IPO11: variants seen among roughly 807,000 people sequenced by gnomAD.
IPO11 encodes the protein importin 11.
A neutral mutation model predicts 143.2 loss-of-function variants in IPO11; 66 were observed. The observed-to-expected ratio is 0.46, with a 90% CI of 0.38 to 0.57. IPO11 has a LOEUF of 0.57. Ranked by LOEUF, IPO11 falls within the 20% of genes least tolerant of loss-of-function variation. IPO11 has a pLI of 0.00. For synonymous variants in IPO11, 385 were observed against 377.8 expected (o/e 1.02, Z -0.22); for missense variants, 1,026 against 1,141.0 (o/e 0.90, Z 1.45).
intron 28 of IPO11, 120 bp from the exon 29 acceptor site, chr5:62,601,644 T>G: frequency 8.9e-6 from 4 of 447,846 alleles, no homozygotes; most frequent in Non-Finnish European, 1.5e-5. Context: ...TTTTCTCACA[T>G]TTTGGTGTGA....
At chr5:62,608,066 G>A (rs1394797364) in intron 29 of IPO11, among the ~76,000 whole-genome samples, 1 of 152,018 alleles carries the variant, frequency 6.6e-6, no homozygotes, top group Admixed American at 6.6e-5. Flanking sequence ...TGATCCACCC[G>A]CCTTGGCCTC....
At chr5:62,480,956 C>T (rs373163840) in intron 9 of IPO11, among the ~76,000 whole-genome samples, 2 of 138,906 alleles carry the variant, frequency 1.4e-5, no homozygotes, top group Non-Finnish European at 3.0e-5. Flanking sequence ...TGCTCTGTCG[C>T]CCAGGTTGGA....
intron 9 of IPO11, 39 bp from the exon 10 acceptor site, chr5:62,483,061 GA>G (rs1204728304): frequency 3.6e-5 from 46 of 1,264,574 alleles, no homozygotes; most frequent in Non-Finnish European, 5.1e-5. Flanking sequence ...TGAATTTGGG[GA>G]AAATACATTT....
chr5:62,470,255 C>T lies in IPO11; in HGVS notation c.655C>T (p.Arg219Cys), dbSNP rs868705380. 28 of 1,613,166 alleles carry T rather than the reference C, an allele frequency of 1.7e-5. No homozygotes were observed. Among genetic ancestry groups the T allele is most frequent in the African/African-American group, 2.7e-5 (2 of 74,852 alleles). ...ERTLLSLKVL[R>C]KLTVNGFVEP... ...AGCTTGCTTTTGCTTTTCAGTGCTG[C>T]GTAAGTTAACTGTTAATGGATTTGT... The change falls in exon 7 of 30, where the codon CGT becomes TGT. Residue 219 changes from arginine to cysteine, a missense_variant. Arg to Cys is a radical substitution (Grantham distance 180, BLOSUM62 -3). This residue lies in a region of IPO11 where 429 missense variants were observed against 456.3 expected (regional missense o/e 0.94). Transcript: ENST00000325324.
intron 29 of IPO11, among the ~76,000 whole-genome samples, chr5:62,621,437 C>T (rs1746367893): frequency 1.3e-5 from 2 of 152,310 alleles, no homozygotes; most frequent in Admixed American, 1.3e-4. Flanking sequence ...AGGCCAGGCT[C>T]CTCCCCCTGC....
rs76219698 is a variant in IPO11, at chr5:62,591,159, A to G, written c.2583-418A>G. Among the ~76,000 whole-genome samples, 1,327 of 152,250 alleles carry G rather than the reference A, an allele frequency of 8.7e-3. 12 individuals are homozygous for G. Among genetic ancestry groups the G allele is most frequent in the South Asian group, 0.032 (155 of 4,830 alleles). On this transcript the variant is annotated intron_variant, in intron 27 of 29. Coordinates refer to ENST00000325324, the MANE Select transcript of IPO11 (RefSeq NM_016338.5). ...GTTTTCAGAGTTCTTTTTACATCCT[A>G]GATTCAAGTCCATTACCAGATACTT...
intron 5 of IPO11, among the ~76,000 whole-genome samples, chr5:62,459,570 A>G (rs1745285295): frequency 6.8e-6 from 1 of 147,414 alleles, no homozygotes; most frequent in Admixed American, 6.7e-5. Flanking sequence ...TTTTTTTTTG[A>G]GACGGAGTCT....
chr5:62,495,747 A>G (rs1319186062), intron 16 of IPO11, among the ~76,000 whole-genome samples: 1 of 152,118 alleles, frequency 6.6e-6, no homozygotes, highest in African/African-American at 2.4e-5. Flanking sequence ...TTGGGATTAT[A>G]GGCGTGAGCC....
intron 24 of IPO11, among the ~76,000 whole-genome samples, chr5:62,541,899 T>G (rs900395395): frequency 6.6e-6 from 1 of 152,118 alleles, no homozygotes; most frequent in African/African-American, 2.4e-5. Flanking sequence ...AGGTTATGAT[T>G]AGGATACAGA....
chr5:62,428,796 A>C (rs1228718546), intron 1 of IPO11, among the ~76,000 whole-genome samples: 1 of 152,054 alleles, frequency 6.6e-6, no homozygotes, highest in Non-Finnish European at 1.5e-5. Flanking sequence ...GCTAGCTGGG[A>C]CTACAGGTGT....
At chr5:62,567,472 CTATTAT>C (rs71590888) in intron 27 of IPO11, among the ~76,000 whole-genome samples, 19 of 133,696 alleles carry the variant, frequency 1.4e-4, no homozygotes, top group African/African-American at 3.1e-4. Context: ...GGAAAATTTT[CTATTAT>C]TATTATTATT....
chr5:62,504,580 G>A (rs1741479820), intron 16 of IPO11, 87 bp from the exon 17 acceptor site: 1 of 741,498 alleles, frequency 1.3e-6, no homozygotes, highest in Admixed American at 3.1e-5. Flanking sequence ...AGTACAGAAA[G>A]TGATTTGGAA....
intron 1 of IPO11, among the ~76,000 whole-genome samples, chr5:62,423,597 TAGAC>T (rs1444673405): frequency 6.6e-6 from 1 of 152,156 alleles, no homozygotes; most frequent in African/African-American, 2.4e-5. Context: ...TACATAAAAG[TAGAC>T]AGAATTTTAT....
chr5:62,523,493 G>C (rs982038288), intron 20 of IPO11, among the ~76,000 whole-genome samples: 1 of 151,316 alleles, frequency 6.6e-6, no homozygotes, highest in African/African-American at 2.4e-5. Flanking sequence ...TTGGAAGTGG[G>C]TAAAACTAAG....
intron 1 of IPO11, among the ~76,000 whole-genome samples, chr5:62,435,100 GTATATATATGTATATATGTATATATGTA>G (rs1170649905): frequency 1.6e-5 from 1 of 62,188 alleles, no homozygotes; most frequent in African/African-American, 6.3e-5. Flanking sequence ...ATGTATATAT[GTATATATATGTATATATGTATATATGTA>G]TATATATGTA....
chr5:62,480,589 ATTTG>A (rs1455038992), intron 9 of IPO11, among the ~76,000 whole-genome samples: 1 of 151,894 alleles, frequency 6.6e-6, no homozygotes, highest in African/African-American at 2.4e-5. Flanking sequence ...ATGTTCTTCT[ATTTG>A]TTTGTGTCCT....
chr5:62,537,895 G>A (rs1465473843), intron 24 of IPO11, among the ~76,000 whole-genome samples: 1 of 152,010 alleles, frequency 6.6e-6, no homozygotes, highest in African/African-American at 2.4e-5. Flanking sequence ...CTTTATGTAT[G>A]GACTTTGAGA....
chr5:62,484,418 A>G lies in IPO11; in HGVS notation c.1174+256A>G, dbSNP rs575511432. On this transcript the variant is annotated intron_variant, in intron 11 of 29. Coordinates refer to ENST00000325324, the MANE Select transcript of IPO11 (RefSeq NM_016338.5). ...AGTTTTTGGATTCCTTTACAAATAT[A>G]TCATGTAGTTTCAAACAAAAATATA... 5.9e-5 allele frequency among the ~76,000 whole-genome samples: 9 copies of G among 152,254 alleles called. 1 individual carries two copies. In the South Asian group the frequency reaches 1.7e-3, roughly 28 times the overall value.
At chr5:62,494,301 C>T (rs1353719345) in intron 16 of IPO11, among the ~76,000 whole-genome samples, 177 bp downstream of exon 16, 3 of 151,684 alleles carry the variant, frequency 2.0e-5, no homozygotes, top group African/African-American at 7.3e-5. Flanking sequence ...CTTGTTTGCC[C>T]TTCCCATTAC....
Sources: allele counts gnomAD v4.1 joint callset (sites outside exome capture counted in the v4.1 genomes callset), GRCh38; gene constraint gnomAD v4.1.1; regional missense constraint gnomAD v4.1.1; transcripts MANE v1.5; gene names NCBI Gene and HGNC (gene_info 2026-07-23, HGNC 2026-07-21).